Variants in ATP13A1 observed in about 807,000 individuals in gnomAD.
ATP13A1 encodes the protein endoplasmic reticulum transmembrane helix translocase.
In ATP13A1, 55 loss-of-function variants were observed where a neutral mutation model predicts 134.8. The ratio of observed to expected loss-of-function variants is 0.41; its 90% CI spans 0.33 to 0.51. The LOEUF is 0.51. ATP13A1 is among the 20% of genes least tolerant of loss of function. The pLI, the probability that ATP13A1 is intolerant of heterozygous loss-of-function variation, is 0.29. For missense variants in ATP13A1, 1,389 were observed against 1,652.8 expected (o/e 0.84, Z 2.77); for synonymous variants, 775 against 725.1 (o/e 1.07, Z -1.10).
In ATP13A1 at chr19:19,663,671, C is replaced by T. The variant is rs555772189; in HGVS notation, c.-5G>A. 1.3e-4 allele frequency: 169 copies of T among 1,280,868 alleles called. 1 individual carries two copies. In the Middle Eastern group the frequency reaches 3.6e-3, roughly 27 times the overall value. The allele number at this position is 1,280,868 out of a possible 1,614,324, so 79.3% of individuals were successfully genotyped here. On this transcript the variant is annotated 5_prime_UTR_variant, in exon 1 of 26. Coordinates refer to ENST00000357324, the MANE Select transcript of ATP13A1 (RefSeq NM_020410.3). The stretch of plus-strand genomic sequence containing the variant: ...CACCGCCGCCGCTGCCGCCATCTTT[C>T]CTAGCGCCGCGCTCACTTCCGGGCA...
chr19:19,647,550 G>A lies in ATP13A1; in HGVS notation c.2794-22C>T. 1 of 1,612,436 alleles carries A rather than the reference G, an allele frequency of 6.2e-7. No homozygotes were observed. ...GGTCCTGCAGGGTAGACAGCAGGCTGTCAGCCCTGGCCAGGATGGGGTGCA... is the reference window on the plus strand; with the variant it reads ...GGTCCTGCAGGGTAGACAGCAGGCTATCAGCCCTGGCCAGGATGGGGTGCA... On this transcript the variant is annotated intron_variant, in intron 20 of 25. Transcript: ENST00000357324. The surrounding 1 kb of genome is among the most constrained non-coding windows in gnomAD (Gnocchi z 4.8).
rs1415101471 is a variant in ATP13A1, at chr19:19,654,586, T to C, written c.1770A>G (p.Leu590=). 1 of 1,613,190 alleles carries C rather than the reference T, an allele frequency of 6.2e-7. No individual in the cohort carries two copies. Among genetic ancestry groups the C allele is most frequent in the Non-Finnish European group, 8.5e-7 (1 of 1,179,786 alleles). ...LDDGTLVGDP[L]EKAMLTAVDW... ...CCACGGCCGTCAGCATGGCCTTCTC[T>C]AGAGGGTCACCCACGAGGGTGCCGT... The change falls in exon 13 of 26, where the codon CTA becomes CTG. Residue 590 remains leucine, a synonymous_variant. Transcript: ENST00000357324.
intron 2 of ATP13A1, 32 bp from the exon 3 acceptor site, chr19:19,659,823 C>T: frequency 6.2e-7 from 1 of 1,607,816 alleles, no homozygotes; most frequent in Non-Finnish European, 8.5e-7. Context: ...CCACAGAGGC[C>T]CCTGACCTTG....
In ATP13A1 at chr19:19,656,889, T is replaced by C. The variant is rs765744309; in HGVS notation, c.934A>G (p.Ile312Val). ...QVYRSRKWRP[I>V]ASDEIVPGDI... ...CCTGGTACGATCTCATCACTGGCAA[T>C]GGGCCTCCACTTGCGGCTTCGGTAG... is the stretch of plus-strand genomic sequence containing the variant. Residue 312 changes from isoleucine (I) to valine (V), a missense_variant, in exon 6 of 26, where the codon ATT (isoleucine) becomes GTT (valine). Around this residue, in one of 4 missense-constraint regions of ATP13A1, gnomAD observed 747 missense variants for 956.1 expected, o/e 0.78. Transcript: ENST00000357324. The surrounding 1 kb of genome is among the most constrained non-coding windows in gnomAD (Gnocchi z 4.6). 4.3e-6 allele frequency: 7 copies of C among 1,612,524 alleles called. No individual in the cohort carries two copies. Among genetic ancestry groups the C allele is most frequent in the Admixed American group, 1.7e-5 (1 of 59,826 alleles).
chr19:19,651,032 G>A (rs140228043), intron 17 of ATP13A1: 1,676 of 152,384 alleles, frequency 0.011, 13 homozygotes, highest in Middle Eastern at 0.034. Context: ...GAATCAGGCT[G>A]TCTGGATTCC....
intron 22 of ATP13A1, 181 bp downstream of exon 22, chr19:19,646,948 G>C (rs1398007604): frequency 1.5e-6 from 1 of 664,764 alleles, no homozygotes; most frequent in African/African-American, 1.8e-5. Context: ...GTACCACCTG[G>C]AGGGGTCTGG....
At chr19:19,650,243 A>T in intron 17 of ATP13A1, 1 of 501,048 alleles carries the variant, frequency 2.0e-6, no homozygotes, top group Non-Finnish European at 3.6e-6. Context: ...AAGGCCCCCT[A>T]ACCTGAAACA....
At chr19:19,663,198 C>T (rs544332304) in intron 1 of ATP13A1, 73 bp downstream of exon 1, 2 of 1,547,910 alleles carry the variant, frequency 1.3e-6, no homozygotes, top group East Asian at 2.4e-5. Flanking sequence ...TGGTGACCGA[C>T]AGGAAGGCCG....
Position 19,655,613 on chromosome 19 carries a change from C to T in ATP13A1, c.1311G>A (p.Val437=). 6.2e-7 allele frequency: 1 copy of T among 1,613,840 alleles called. No homozygotes were observed. Among genetic ancestry groups the T allele is most frequent in the Non-Finnish European group, 8.5e-7 (1 of 1,179,834 alleles). The change falls in exon 10 of 26, where the codon GTG becomes GTA. Residue 437 remains valine, a synonymous_variant. Transcript: ENST00000357324. This position sits in a 1 kb window ranked among gnomAD's most constrained non-coding sequence, Gnocchi z 5.7. ...TGAAGGTCTCCAGGTTGTTCGCAGTCACCCTCTTGACCCCGAAGAGGATGG... is the reference window on the plus strand; with the variant it reads ...TGAAGGTCTCCAGGTTGTTCGCAGTTACCCTCTTGACCCCGAAGAGGATGG... ...LRTILFGVKR[V]TANNLETFIF... is the part of the protein sequence containing the mutation.
intron 12 of ATP13A1, 118 bp from the exon 13 acceptor site, chr19:19,654,818 G>A: frequency 4.0e-6 from 5 of 1,242,006 alleles, no homozygotes; most frequent in Non-Finnish European, 5.5e-6. Flanking sequence ...GGGTGGCTTG[G>A]GCGCCAACTG....
chr19:19,645,746 C>T lies in ATP13A1; in HGVS notation c.3405G>A (p.Val1135=), dbSNP rs1196617027. ...CCAGGAGTGAAACTGCCAGACTCCA[C>T]ACCAGGGGCTTGTTCTCGGGCAGGC... ...MESLPENKPL[V]WSLAVSLLAI... The change falls in exon 25 of 26, where the codon GTG becomes GTA. Residue 1135 remains valine, a synonymous_variant. Transcript: ENST00000357324. The surrounding 1 kb of genome is among the most constrained non-coding windows in gnomAD (Gnocchi z 4.1). 1.9e-6 allele frequency: 3 copies of T among 1,605,866 alleles called. No homozygotes were observed. The East Asian group carries it at 6.7e-5, about 36-fold the overall frequency.
rs757996679 is a variant in ATP13A1, at chr19:19,656,211, G to A, written c.1084-28C>T. The A allele has an allele frequency of 1.8e-5, 29 of 1,580,170 alleles. No homozygotes were observed. The highest frequency in any genetic ancestry group is 2.0e-5 in the Non-Finnish European group (23 of 1,161,250). ...GGGGAGGAAGATCGTGAATCTGGATGGCCAGGCCTACCTTGCTTCCTTCTC... is the reference window on the plus strand; with the variant it reads ...GGGGAGGAAGATCGTGAATCTGGATAGCCAGGCCTACCTTGCTTCCTTCTC... On this transcript the variant is annotated intron_variant, in intron 7 of 25. Transcript: ENST00000357324. This position sits in a 1 kb window ranked among gnomAD's most constrained non-coding sequence, Gnocchi z 4.6.
intron 16 of ATP13A1, 96 bp from the exon 17 acceptor site, chr19:19,651,893 A>G: frequency 1.1e-6 from 1 of 951,646 alleles, no homozygotes; most frequent in Non-Finnish European, 1.6e-6. Context: ...GGTAGGCCAC[A>G]GTGGGAGATC....
In ATP13A1 at chr19:19,661,815, G is replaced by A. The variant is rs148605274; in HGVS notation, c.396+1456C>T. ...TGACCCGCAGAAACAAAGCGCCACCGCACGGGTGGTTCATGGGCCTCCAAA... is the reference window on the plus strand; with the variant it reads ...TGACCCGCAGAAACAAAGCGCCACCACACGGGTGGTTCATGGGCCTCCAAA... On this transcript the variant is annotated intron_variant, in intron 1 of 25. Coordinates refer to ENST00000357324, the MANE Select transcript of ATP13A1 (RefSeq NM_020410.3). 1.1e-4 allele frequency among the ~76,000 whole-genome samples: 16 copies of A among 152,284 alleles called. No homozygotes were observed. In the East Asian group the frequency reaches 2.7e-3, roughly 26 times the overall value.
chr19:19,660,040 C>T, intron 1 of ATP13A1, 53 bp from the exon 2 acceptor site: 1 of 1,501,842 alleles, frequency 6.7e-7, no homozygotes, highest in Non-Finnish European at 9.0e-7. Context: ...CCTACAGTTC[C>T]AAGACCCCCC....
In ATP13A1 at chr19:19,645,846, G is replaced by GA; in HGVS notation, c.3360+27dup. 6.2e-7 allele frequency: 1 copy of GA among 1,612,734 alleles called. No homozygotes were observed. Among genetic ancestry groups the GA allele is most frequent in the Non-Finnish European group, 8.5e-7 (1 of 1,179,256 alleles). ...GGGTGGGGCTGGGTGGGCAGACAGT[G>GA]AATGTTTGGGCAGGGCCCAGGCCTT... On this transcript the variant is annotated intron_variant, in intron 24 of 25. Coordinates refer to ENST00000357324, the MANE Select transcript of ATP13A1 (RefSeq NM_020410.3). The surrounding 1 kb of genome is among the most constrained non-coding windows in gnomAD (Gnocchi z 4.1).
Position 19,647,540 on chromosome 19 carries a change from A to T in ATP13A1, c.2794-12T>A. The T allele has an allele frequency of 6.2e-7, 1 of 1,612,454 alleles. No homozygotes were observed. Among genetic ancestry groups the T allele is most frequent in the Non-Finnish European group, 8.5e-7 (1 of 1,179,134 alleles). On this transcript the variant is annotated splice_polypyrimidine_tract_variant and intron_variant, in intron 20 of 25. Coordinates refer to ENST00000357324, the MANE Select transcript of ATP13A1 (RefSeq NM_020410.3). The surrounding 1 kb of genome is among the most constrained non-coding windows in gnomAD (Gnocchi z 4.8). ...TGGCTCAGGCGGTCCTGCAGGGTAG[A>T]CAGCAGGCTGTCAGCCCTGGCCAGG...
At position 19,647,622 on chromosome 19, in the gene ATP13A1, C is replaced by T. The variant is rs754986158; in HGVS notation, c.2770G>A (p.Glu924Lys). Residue 924 changes from glutamate to lysine, a missense_variant, in exon 20 of 26, where the codon GAG becomes AAG. Coordinates refer to ENST00000357324, the MANE Select transcript of ATP13A1 (RefSeq NM_020410.3). This position sits in a 1 kb window ranked among gnomAD's most constrained non-coding sequence, Gnocchi z 4.8. Reference protein sequence around the residue: ...AKQRSGLPPSEEQPTSQRDRL... With the variant: ...AKQRSGLPPSKEQPTSQRDRL... ...ACCCTCTGGGAGGTTGGCTGCTCCT[C>T]GGAGGGAGGGAGCCCCGACCGCTGC... 1.1e-5 allele frequency: 18 copies of T among 1,613,278 alleles called. No individual in the cohort carries two copies. The highest frequency in any genetic ancestry group is 5.5e-5 in the South Asian group (5 of 91,068).
In ATP13A1 at chr19:19,647,301, C is replaced by T. The variant is rs1247833213; in HGVS notation, c.2933G>A (p.Arg978His). The T allele has an allele frequency of 1.9e-6, 3 of 1,611,508 alleles. No homozygotes were observed. The highest frequency in any genetic ancestry group is 1.7e-5 in the Admixed American group (1 of 59,806). ...QCICHVIKQG[R>H]CTLVTTLQMF... ...CTGTAGCGTGGTCACCAGCGTGCAG[C>T]GGCCCTGCTTGATCACGTGGCAGAC... The change falls in exon 22 of 26, where the codon CGC becomes CAC. Residue 978 changes from arginine to histidine, a missense_variant. Transcript: ENST00000357324. The surrounding 1 kb of genome is among the most constrained non-coding windows in gnomAD (Gnocchi z 4.8).
Sources: gnomAD v4.1 joint callset for allele counts (sites outside exome capture counted in the v4.1 genomes callset) on GRCh38, gnomAD v4.1.1 for gene constraint, gnomAD v4.1.1 regional missense constraint, Gnocchi (gnomAD v3.1) non-coding constraint, MANE v1.5 for transcripts, NCBI Gene and HGNC (gene_info 2026-07-23, HGNC 2026-07-21) for gene names.